Variants in KNTC1 observed in about 807,000 individuals in gnomAD.
The protein encoded by KNTC1 is kinetochore-associated protein 1.
Under a neutral mutation model 314.4 loss-of-function variants are expected in KNTC1, and 253 were observed. That is an observed-to-expected ratio of 0.80 (90% CI 0.73 to 0.89). The LOEUF (loss-of-function observed/expected upper bound fraction) is 0.89. KNTC1 is among the 40% of genes least tolerant of loss of function. The pLI is 0.00. For missense variants in KNTC1, 2,475 were observed against 2,572.9 expected (o/e 0.96, Z 0.82); for synonymous variants, 901 against 901.4 (o/e 1.00, Z 0.01).
intron 43 of KNTC1, among the ~76,000 whole-genome samples, chr12:122,595,066 G>A (rs1157945905): frequency 6.6e-6 from 1 of 152,088 alleles, no homozygotes; most frequent in African/African-American, 2.4e-5. Flanking sequence ...AATAGAGATG[G>A]GGTTTCACCA....
In KNTC1 at chr12:122,566,570, T is replaced by C. The variant is rs578156816; in HGVS notation, c.1605-1691T>C. 5.9e-5 allele frequency among the ~76,000 whole-genome samples: 9 copies of C among 151,648 alleles called. No individual in the cohort carries two copies. In the East Asian group the frequency reaches 1.4e-3, roughly 23 times the overall value. On this transcript the variant is annotated intron_variant, in intron 20 of 63. Transcript: ENST00000333479. ...GATTACAGGCATGCAACACTACGTC[T>C]GGCTAATTTTTGTAGTTTTAGTAGA...
intron 51 of KNTC1, among the ~76,000 whole-genome samples, chr12:122,606,342 C>A (rs374212495): frequency 6.6e-6 from 1 of 151,410 alleles, no homozygotes; most frequent in Non-Finnish European, 1.5e-5. Context: ...CTCAGCTTCC[C>A]GAGTAGCTGG....
chr12:122,617,265 T>C (rs1873865414), intron 57 of KNTC1: 1 of 297,878 alleles, frequency 3.4e-6, no homozygotes, highest in African/African-American at 2.2e-5. Flanking sequence ...ACTCTATGTT[T>C]AGCCTTTTGA....
chr12:122,569,947 T>C, intron 22 of KNTC1, 123 bp downstream of exon 22: 1 of 775,206 alleles, frequency 1.3e-6, no homozygotes, highest in Non-Finnish European at 2.0e-6. Context: ...CCTGTGTTAA[T>C]TAAAGTGTCT....
At chr12:122,557,320 G>A in intron 16 of KNTC1, 64 bp from the exon 17 acceptor site, 1 of 1,516,150 alleles carries the variant, frequency 6.6e-7, no homozygotes, top group Non-Finnish European at 9.0e-7. Context: ...CTTACTCTGA[G>A]AATAAGCCAT....
chr12:122,536,084 T>C (rs1199083071), intron 3 of KNTC1, among the ~76,000 whole-genome samples: 13 of 149,258 alleles, frequency 8.7e-5, no homozygotes, highest in African/African-American at 3.2e-4. Context: ...TTTTTTTTTT[T>C]AGTAGAGACA....
chr12:122,618,444 G>A (rs1019394725), intron 58 of KNTC1, 38 bp from the exon 59 acceptor site: 7 of 1,609,464 alleles, frequency 4.3e-6, no homozygotes, highest in Non-Finnish European at 5.9e-6. Context: ...ATAGTTGAGT[G>A]TGTGTATATC....
At chr12:122,546,325 T>C (rs1962760414) in intron 9 of KNTC1, 56 bp downstream of exon 9, 2 of 1,094,778 alleles carry the variant, frequency 1.8e-6, no homozygotes, top group Non-Finnish European at 2.7e-6. Context: ...TTAATTTTTA[T>C]GTCAGTGTAC....
intron 31 of KNTC1, 22 bp from the exon 32 acceptor site, chr12:122,579,883 C>A: frequency 1.3e-6 from 2 of 1,550,152 alleles, no homozygotes; most frequent in Non-Finnish European, 8.9e-7. Flanking sequence ...GATTTTATTT[C>A]GCTTTATTTA....
rs1448396615 is a variant in KNTC1 at position 122,603,140 on chromosome 12, A to G, written c.4998A>G (p.Glu1666=). 1.2e-6 allele frequency: 2 copies of G among 1,613,714 alleles called. No individual in the cohort carries two copies. Among genetic ancestry groups the G allele is most frequent in the East Asian group, 2.2e-5 (1 of 44,894 alleles). Residue 1666 remains glutamate, a synonymous_variant, in exon 48 of 64, where the codon GAA becomes GAG. Coordinates refer to ENST00000333479, the MANE Select transcript of KNTC1 (RefSeq NM_014708.6). ...AATCCTCAACACTGATTAACAAGGA[A>G]ATAACTAAGATCACGCAGACCATCG... The part of the protein sequence containing the change: ...QAKSSTLINK[E]ITKITQTIES...
At position 122,616,407 on chromosome 12, in the gene KNTC1, C is replaced by T. The variant is rs982355992; in HGVS notation, c.6030+881C>T. 8.6e-5 allele frequency among the ~76,000 whole-genome samples: 13 copies of T among 151,974 alleles called. 1 individual carries two copies. Among genetic ancestry groups the T allele is most frequent in the Admixed American group, 3.3e-4 (5 of 15,258 alleles). On this transcript the variant is annotated intron_variant, in intron 57 of 63. Coordinates refer to ENST00000333479, the MANE Select transcript of KNTC1 (RefSeq NM_014708.6). The stretch of plus-strand genomic sequence containing the variant: ...CCTCCTGAGTAGCTGGGACTACAGG[C>T]GCATGCCGCCACGCCCTGCTAATTT...
At chr12:122,607,935 G>A (rs1253793068) in intron 51 of KNTC1, among the ~76,000 whole-genome samples, 2 of 152,138 alleles carry the variant, frequency 1.3e-5, no homozygotes, top group Non-Finnish European at 2.9e-5. Flanking sequence ...TTAAGAAATA[G>A]CATCATTAAC....
Position 122,625,589 on chromosome 12 carries a change from C to CA in KNTC1, c.6607-604dup, listed in dbSNP as rs902770670. The stretch of plus-strand genomic sequence containing the variant: ...CTCAAAAAATCAAAACAAAACAAAA[C>CA]AAAAAAAAAAAACAAAGGAAAAAGA... On this transcript the variant is annotated intron_variant, in intron 63 of 63. Coordinates refer to ENST00000333479, the MANE Select transcript of KNTC1 (RefSeq NM_014708.6). Among the ~76,000 whole-genome samples, 535 of 102,954 alleles carry CA rather than the reference C, an allele frequency of 5.2e-3. 2 individuals carry two copies. Among genetic ancestry groups the CA allele is most frequent in the South Asian group, 0.011 (37 of 3,408 alleles). 67.5% of individuals were successfully genotyped at this position (102,954 alleles called of 152,430 possible).
chr12:122,571,505 C>T (rs1037398584), intron 24 of KNTC1, among the ~76,000 whole-genome samples: 7 of 151,824 alleles, frequency 4.6e-5, no homozygotes, highest in Admixed American at 2.0e-4. Flanking sequence ...ACTACAGGTG[C>T]GCATCACCAG....
intron 36 of KNTC1, 32 bp downstream of exon 36, chr12:122,585,022 C>A: frequency 7.7e-7 from 1 of 1,291,784 alleles, no homozygotes; most frequent in Non-Finnish European, 1.1e-6. Context: ...TCCCTTAAAT[C>A]CTGGGCAACG....
intron 30 of KNTC1, 43 bp downstream of exon 30, chr12:122,577,072 T>G: frequency 2.1e-6 from 3 of 1,434,946 alleles, no homozygotes; most frequent in Non-Finnish European, 2.8e-6. Context: ...CTTCTTTGTT[T>G]CTGTGTTGTT....
At chr12:122,576,734 C>T (rs763585931) in intron 29 of KNTC1, among the ~76,000 whole-genome samples, 161 bp from the exon 30 acceptor site, 20 of 152,104 alleles carry the variant, frequency 1.3e-4, no homozygotes, top group African/African-American at 4.6e-4. Context: ...GAAGACAGGA[C>T]TGTGGAATGA....
intron 16 of KNTC1, among the ~76,000 whole-genome samples, chr12:122,554,076 A>AAATATATATATATATATATATATAT (rs370146333): frequency 9.2e-6 from 1 of 109,050 alleles, no homozygotes; most frequent in African/African-American, 3.9e-5. Flanking sequence ...AAAAAAAAAA[A>AAATATATATATATATATATATATAT]ATATATATAT....
chr12:122,565,732 A>C (rs1964283960), intron 20 of KNTC1, among the ~76,000 whole-genome samples: 1 of 151,854 alleles, frequency 6.6e-6, no homozygotes, highest in Non-Finnish European at 1.5e-5. Flanking sequence ...TAAAATACTA[A>C]AATTTGCCAG....
Sources: allele counts gnomAD v4.1 joint callset (sites outside exome capture counted in the v4.1 genomes callset), GRCh38; gene constraint gnomAD v4.1.1; transcripts MANE v1.5; gene names NCBI Gene and HGNC (gene_info 2026-07-23, HGNC 2026-07-21).